PCSK9: variants seen among roughly 807,000 people sequenced by gnomAD.
The protein encoded by PCSK9 is proprotein convertase subtilisin/kexin type 9, also known as convertase subtilisin/kexin type 9 preproprotein.
Under a neutral mutation model 62.1 loss-of-function variants are expected in PCSK9, and 57 were observed. That is an observed-to-expected ratio of 0.92 (90% CI 0.74 to 1.14). PCSK9 has a LOEUF of 1.14. Ranked by LOEUF, PCSK9 falls within the 50% of genes most tolerant of loss-of-function variation. PCSK9 has a pLI of 0.00. For synonymous variants in PCSK9, 387 were observed against 409.4 expected (o/e 0.95, Z 0.66); for missense variants, 870 against 959.8 (o/e 0.91, Z 1.24).
At chr1:55,058,989 C>T (rs1644738861) in intron 9 of PCSK9, among the ~76,000 whole-genome samples, 1 of 152,224 alleles carries the variant, frequency 6.6e-6, no homozygotes, top group Admixed American at 6.5e-5. Flanking sequence ...TCTCTAGGCC[C>T]CTCTCACTCA....
intron 6 of PCSK9, 112 bp downstream of exon 6, chr1:55,056,301 C>A (rs1024037310): frequency 4.2e-6 from 5 of 1,204,560 alleles, no homozygotes; most frequent in Non-Finnish European, 5.5e-6. Flanking sequence ...TCTTGTGGCA[C>A]GTTCCTGGAG....
Position 55,064,079 on chromosome 1 carries a change from GA to G in PCSK9, c.*497del, listed in dbSNP as rs1368383810. 1.3e-5 allele frequency: 2 copies of G among 157,898 alleles called. No homozygotes were observed. The highest frequency in any genetic ancestry group is 2.8e-5 in the Non-Finnish European group (2 of 71,802). The allele number at this position is 157,898 out of a possible 1,614,324, so 9.8% of individuals were successfully genotyped here. A position where few individuals can be genotyped will look rare whatever the true frequency, so the allele number is the denominator to read the frequency against. Reference sequence around the variant, plus strand: ...GCCCTCATCTCCAGCTAACTGTGGAGAAGCCCCTGGGGGCTCCCTGATTAAT... The same window carrying G: ...GCCCTCATCTCCAGCTAACTGTGGAGAGCCCCTGGGGGCTCCCTGATTAAT... On this transcript the variant is annotated 3_prime_UTR_variant, in exon 12 of 12. Coordinates refer to ENST00000302118, the MANE Select transcript of PCSK9 (RefSeq NM_174936.4).
chr1:55,060,319 C>T (rs888705888), intron 10 of PCSK9, among the ~76,000 whole-genome samples: 5 of 152,188 alleles, frequency 3.3e-5, no homozygotes, highest in Non-Finnish European at 7.3e-5. Flanking sequence ...CTGAGCTGTT[C>T]TGGTTGGGTG....
At chr1:55,052,837 C>A in intron 5 of PCSK9, 46 bp downstream of exon 5, 1 of 1,612,472 alleles carries the variant, frequency 6.2e-7, no homozygotes, top group Non-Finnish European at 8.5e-7. Flanking sequence ...CTGGACCTGG[C>A]CTGGGAGGTG....
At chr1:55,051,888 T>G (rs372350482) in intron 3 of PCSK9, 10 of 317,280 alleles carry the variant, frequency 3.2e-5, no homozygotes, top group Admixed American at 3.1e-4. Context: ...CTTTAAATCT[T>G]GTTGTCTTTC....
chr1:55,061,560 A>C lies in PCSK9; in HGVS notation c.1863+4A>C. On this transcript the variant is annotated splice_donor_region_variant and intron_variant, in intron 11 of 11. Coordinates refer to ENST00000302118, the MANE Select transcript of PCSK9 (RefSeq NM_174936.4). ...AATCCCGGCCCCTCAGGAGCAGGTGAAGAGGCCCGTGAGGCCGGGTGGGTG... is the reference window on the plus strand; with the variant it reads ...AATCCCGGCCCCTCAGGAGCAGGTGCAGAGGCCCGTGAGGCCGGGTGGGTG... 6.3e-7 allele frequency: 1 copy of C among 1,591,366 alleles called. No homozygotes were observed. The highest frequency in any genetic ancestry group is 8.6e-7 in the Non-Finnish European group (1 of 1,169,036).
chr1:55,053,524 G>T (rs112099148), intron 5 of PCSK9, among the ~76,000 whole-genome samples: 2 of 152,164 alleles, frequency 1.3e-5, no homozygotes, highest in Non-Finnish European at 2.9e-5. Flanking sequence ...TGGGGAACTC[G>T]CTGGGAAAAC....
At chr1:55,053,439 T>C (rs1644690835) in intron 5 of PCSK9, among the ~76,000 whole-genome samples, 1 of 152,168 alleles carries the variant, frequency 6.6e-6, no homozygotes, top group South Asian at 2.1e-4. Flanking sequence ...GGGGCTGGCC[T>C]TGCCGTAGCT....
chr1:55,064,061 T>A lies in PCSK9; in HGVS notation c.*477T>A, dbSNP rs1644783292. ...GTGTGAAAGGTGCTGATGGCCCTCA[T>A]CTCCAGCTAACTGTGGAGAAGCCCC... On this transcript the variant is annotated 3_prime_UTR_variant, in exon 12 of 12. Coordinates refer to ENST00000302118, the MANE Select transcript of PCSK9 (RefSeq NM_174936.4). The A allele has an allele frequency of 6.3e-6, 1 of 158,832 alleles. No individual in the cohort carries two copies. Among genetic ancestry groups the A allele is most frequent in the Non-Finnish European group, 1.4e-5 (1 of 72,382 alleles). 9.8% of individuals were successfully genotyped at this position (158,832 alleles called of 1,614,324 possible). A position where few individuals can be genotyped will look rare whatever the true frequency, so the allele number is the denominator to read the frequency against.
Position 55,043,974 on chromosome 1 carries a change from T to C in PCSK9, c.339T>C (p.His113=). Residue 113 remains histidine (H), a synonymous_variant, in exon 2 of 12, where the codon CAT becomes CAC. Coordinates refer to ENST00000302118, the MANE Select transcript of PCSK9 (RefSeq NM_174936.4). Reference sequence around the variant, plus strand: ...GGGGATACCTCACCAAGATCCTGCATGTCTTCCATGGCCTTCTTCCTGGCT... The same window carrying C: ...GGGGATACCTCACCAAGATCCTGCACGTCTTCCATGGCCTTCTTCCTGGCT... ...ARRGYLTKIL[H]VFHGLLPGFL... 6.2e-7 allele frequency: 1 copy of C among 1,614,242 alleles called. No homozygotes were observed. Among genetic ancestry groups the C allele is most frequent in the Non-Finnish European group, 8.5e-7 (1 of 1,180,038 alleles).
Position 55,057,333 on chromosome 1 carries a change from C to A in PCSK9, c.999C>A (p.Val333=), listed in dbSNP as rs1397665306. 1 of 1,613,776 alleles carries A rather than the reference C, an allele frequency of 6.2e-7. No homozygotes were observed. The highest frequency in any genetic ancestry group is 1.7e-5 in the Admixed American group (1 of 60,032). The part of the protein sequence containing the change: ...CLYSPASAPE[V]ITVGATNAQD... ...CACCCACCTCCTCACCTTTCCAGGT[C>A]ATCACAGTTGGGGCCACCAATGCCC... is the stretch of plus-strand genomic sequence containing the variant. Residue 333 remains valine, a splice_region_variant and synonymous_variant, in exon 7 of 12, where the codon GTC becomes GTA. Transcript: ENST00000302118.
intron 3 of PCSK9, among the ~76,000 whole-genome samples, chr1:55,047,559 T>C (rs1382733680): frequency 6.6e-6 from 1 of 152,162 alleles, no homozygotes; most frequent in Non-Finnish European, 1.5e-5. Context: ...CAGGTTGCTG[T>C]GAGACTCCAA....
chr1:55,061,347 C>T (rs1223788991), intron 10 of PCSK9, 28 bp from the exon 11 acceptor site: 2 of 1,590,934 alleles, frequency 1.3e-6, no homozygotes, highest in Admixed American at 1.7e-5. Flanking sequence ...CAGCATTTCA[C>T]ATCTGAGCTG....
chr1:55,054,190 C>T (rs45566638), intron 5 of PCSK9, among the ~76,000 whole-genome samples: 5,269 of 152,152 alleles, frequency 0.035, 199 homozygotes, highest in African/African-American at 0.095. Flanking sequence ...TCGAGACCAG[C>T]CTGTTCAACA....
At chr1:55,054,516 G>C (rs1644698561) in intron 5 of PCSK9, among the ~76,000 whole-genome samples, 1 of 152,248 alleles carries the variant, frequency 6.6e-6, no homozygotes, top group East Asian at 1.9e-4. Flanking sequence ...GAGCATGGCT[G>C]TGAGATTCCA....
At chr1:55,045,027 G>A (rs763487583) in intron 2 of PCSK9, among the ~76,000 whole-genome samples, 5 of 152,178 alleles carry the variant, frequency 3.3e-5, no homozygotes, top group African/African-American at 4.8e-5. Flanking sequence ...CTGCAGAGGC[G>A]AAGATGACAC....
intron 3 of PCSK9, among the ~76,000 whole-genome samples, chr1:55,047,579 G>A (rs906199355): frequency 6.6e-6 from 1 of 152,304 alleles, no homozygotes; most frequent in East Asian, 1.9e-4. Flanking sequence ...ATGAGTTGAA[G>A]GATGTGCAGA....
Position 55,063,671 on chromosome 1 carries a change from C to G in PCSK9, c.*87C>G. 1 of 1,422,284 alleles carries G rather than the reference C, an allele frequency of 7.0e-7. No individual in the cohort carries two copies. The highest frequency in any genetic ancestry group is 9.5e-7 in the Non-Finnish European group (1 of 1,057,020). The allele number at this position is 1,422,284 out of a possible 1,614,324, so 88.1% of individuals were successfully genotyped here. On this transcript the variant is annotated 3_prime_UTR_variant, in exon 12 of 12. Transcript: ENST00000302118. ...GTTCCGACTTGTCCCTCTCTCAGCC[C>G]TCCATGGCCTGGCACGAGGGGATGG...
rs1266924204 is a variant in PCSK9, at chr1:55,049,785, A to G, written c.524-2493A>G. Among the ~76,000 whole-genome samples the G allele has an allele frequency of 3.3e-5, 5 of 152,302 alleles. No individual in the cohort carries two copies. The South Asian group carries it at 8.3e-4, about 25-fold the overall frequency. On this transcript the variant is annotated intron_variant, in intron 3 of 11. Transcript: ENST00000302118. Reference sequence around the variant, plus strand: ...GTGTGAGCGGGCAGGAACCGCCTGCACTTAGAAGGTGTGGGGCTGCCTCCC... The same window carrying G: ...GTGTGAGCGGGCAGGAACCGCCTGCGCTTAGAAGGTGTGGGGCTGCCTCCC...
Sources: gnomAD v4.1 joint callset for allele counts (sites outside exome capture counted in the v4.1 genomes callset) on GRCh38, gnomAD v4.1.1 for gene constraint, MANE v1.5 for transcripts, NCBI Gene and HGNC (gene_info 2026-07-23, HGNC 2026-07-21) for gene names.